Variants in CNN3 observed in about 807,000 individuals in gnomAD.
CNN3 encodes the protein calponin-3.
CNN3 carries 11 observed loss-of-function variants against 39.0 expected under a neutral mutation model. The ratio of observed to expected loss-of-function variants is 0.28; its 90% CI spans 0.18 to 0.47. The LOEUF (loss-of-function observed/expected upper bound fraction) is 0.47, where lower values mean the gene tolerates loss of function less well. Among genes scored for constraint, CNN3 ranks in the 20% least tolerant of loss-of-function variants. The pLI is 0.99. For synonymous variants in CNN3, 101 were observed against 138.3 expected, an observed-to-expected ratio of 0.73 and a Z score of 1.89; for missense variants, 266 against 403.4, an observed-to-expected ratio of 0.66 and a Z score of 2.92.
At chr1:94,920,105 C>CA (rs1294228475) in intron 1 of CNN3, among the ~76,000 whole-genome samples, 2 of 152,206 alleles carry the variant, frequency 1.3e-5, no homozygotes, top group Non-Finnish European at 2.9e-5. Flanking sequence ...AGGAATCAAC[C>CA]TGTTAGAAAA....
rs1009975804 is a variant in CNN3 at position 94,903,646 on chromosome 1, C to T, written c.58-122G>A. 41 of 1,223,208 alleles carry T rather than the reference C, an allele frequency of 3.4e-5. No individual in the cohort carries two copies. The African/African-American group carries it at 4.6e-4, about 14-fold the overall frequency. The allele number at this position is 1,223,208 out of a possible 1,614,324, so 75.8% of individuals were successfully genotyped here. On this transcript the variant is annotated intron_variant, in intron 1 of 6. Transcript: ENST00000370206. ...CAGCTGTGAAGTGTAGTAAATGACA[C>T]TCAATAGATCTCAATGGCAAACTTA...
Position 94,903,430 on chromosome 1 carries a change from C to T in CNN3, c.152G>A (p.Gly51Asp). The T allele has an allele frequency of 6.2e-6, 10 of 1,606,774 alleles. No homozygotes were observed. The highest frequency in any genetic ancestry group is 7.6e-6 in the Non-Finnish European group (9 of 1,177,112). ...GCAGAGGATGATGCCATCCTTTAAG[C>T]CCAGCTGGAAGTTGGGGCCAATGCT... Reference protein sequence around the residue: ...GMSIGPNFQLGLKDGIILCEL... With the variant: ...GMSIGPNFQLDLKDGIILCEL... Residue 51 changes from glycine to aspartate, a missense_variant, in exon 2 of 7, where the codon GGC becomes GAC. Gly to Asp is a moderately conservative substitution (Grantham distance 94). Coordinates refer to ENST00000370206, the MANE Select transcript of CNN3 (RefSeq NM_001839.5).
chr1:94,922,162 C>A (rs765554086), intron 1 of CNN3, among the ~76,000 whole-genome samples: 11 of 152,194 alleles, frequency 7.2e-5, no homozygotes, highest in Non-Finnish European at 1.5e-4. Context: ...CACCTGTAAT[C>A]CCAGTGCTTT....
At chr1:94,908,217 C>G (rs1167580302) in intron 1 of CNN3, among the ~76,000 whole-genome samples, 1 of 152,152 alleles carries the variant, frequency 6.6e-6, no homozygotes, top group East Asian at 1.9e-4. Flanking sequence ...TAATGAAGAC[C>G]AAGAAAAAAG....
At chr1:94,908,046 G>A (rs914022737) in intron 1 of CNN3, among the ~76,000 whole-genome samples, 63 of 152,038 alleles carry the variant, frequency 4.1e-4, no homozygotes, top group Middle Eastern at 3.4e-3. Flanking sequence ...TCTTAAACAC[G>A]CACACATTCT....
At chr1:94,907,471 TTTTC>T (rs1475768099) in intron 1 of CNN3, among the ~76,000 whole-genome samples, 3 of 152,184 alleles carry the variant, frequency 2.0e-5, no homozygotes, top group Admixed American at 6.5e-5. Context: ...AACGCTGACA[TTTTC>T]TTTCTCTCAA....
At position 94,926,810 on chromosome 1, in the gene CNN3, C is replaced by T. The variant is rs981269120; in HGVS notation, c.57+28G>A. ...GGCCAGCCCAAGGGTGCCCCGGGGG[C>T]CCCCGCGCCCGCCCGAGCCAGGCGT... On this transcript the variant is annotated intron_variant, in intron 1 of 6. Transcript: ENST00000370206. This position sits in a 1 kb window ranked among gnomAD's most constrained non-coding sequence, Gnocchi z 4.2. 1 of 1,603,694 alleles carries T rather than the reference C, an allele frequency of 6.2e-7. No individual in the cohort carries two copies. The highest frequency in any genetic ancestry group is 1.3e-5 in the African/African-American group (1 of 74,526).
At position 94,902,213 on chromosome 1, in the gene CNN3, T is replaced by C. The variant is rs1670887771; in HGVS notation, c.292A>G (p.Met98Val). Reference sequence around the variant, plus strand: ...GCTTCGAATATGTCATGTGGCTTCATACCATAAGCCTGAATAGCTTTAATA... The same window carrying C: ...GCTTCGAATATGTCATGTGGCTTCACACCATAAGCCTGAATAGCTTTAATA... ...NFIKAIQAYG[M>V]KPHDIFEAND... The change falls in exon 4 of 7, where the codon ATG becomes GTG. Residue 98 changes from methionine (M) to valine (V), a missense_variant. Met to Val is a conservative substitution (Grantham distance 21). Coordinates refer to ENST00000370206, the MANE Select transcript of CNN3 (RefSeq NM_001839.5). 1 of 1,612,774 alleles carries C rather than the reference T, an allele frequency of 6.2e-7. No homozygotes were observed. The highest frequency in any genetic ancestry group is 8.5e-7 in the Non-Finnish European group (1 of 1,178,746).
intron 1 of CNN3, among the ~76,000 whole-genome samples, chr1:94,913,820 G>A (rs1195074704): frequency 1.3e-5 from 2 of 152,164 alleles, no homozygotes; most frequent in Non-Finnish European, 2.9e-5. Context: ...AGAAATTCCT[G>A]AGAGATGGAC....
rs565740606 is a variant in CNN3 at position 94,927,070 on chromosome 1, G to A, written c.-176C>T. The A allele has an allele frequency of 1.2e-3, 704 of 601,656 alleles. 10 individuals are homozygous for A. The highest frequency in any genetic ancestry group is 0.011 in the African/African-American group (574 of 50,592). 37.3% of individuals were successfully genotyped at this position (601,656 alleles called of 1,614,324 possible). On this transcript the variant is annotated 5_prime_UTR_variant, in exon 1 of 7. Coordinates refer to ENST00000370206, the MANE Select transcript of CNN3 (RefSeq NM_001839.5). ...GTGCCTGGGCGACTGGGTCCAACTG[G>A]GTGCTACAGAGCCTCGAGCTCCGCT...
At position 94,922,985 on chromosome 1, in the gene CNN3, G is replaced by C. The variant is rs571648769; in HGVS notation, c.57+3853C>G. On this transcript the variant is annotated intron_variant, in intron 1 of 6. Transcript: ENST00000370206. ...TCCATGCTTCTTAATATTCCAGTTA[G>C]CTTCCTCCCAAAAAAACATACCGAG... Among the ~76,000 whole-genome samples the C allele has an allele frequency of 1.1e-4, 16 of 152,234 alleles. 1 individual carries two copies. In the South Asian group the frequency reaches 3.3e-3, roughly 32 times the overall value.
intron 1 of CNN3, among the ~76,000 whole-genome samples, chr1:94,921,149 T>G (rs937767317): frequency 2.0e-5 from 3 of 152,326 alleles, no homozygotes; most frequent in Non-Finnish European, 2.9e-5. Flanking sequence ...ATCCCAGCTC[T>G]TTGGGAGGCC....
rs1258602210 is a variant in CNN3 at position 94,897,742 on chromosome 1, C to T, written c.990G>A (p.Ter330=). The T allele has an allele frequency of 6.2e-7, 1 of 1,612,330 alleles. No individual in the cohort carries two copies. The highest frequency in any genetic ancestry group is 1.1e-5 in the South Asian group (1 of 90,946). ...AATACTGAGCTCCTTCTGTGTGGATCTAATAATCAATGCCTTGGTCGCTAT... is the reference window on the plus strand; with the variant it reads ...AATACTGAGCTCCTTCTGTGTGGATTTAATAATCAATGCCTTGGTCGCTAT... ...YQYSDQGIDY[*] is the part of the protein sequence containing the mutation. Residue 330 remains the stop codon, a stop_retained_variant, in exon 7 of 7, where the codon TAG becomes TAA. Coordinates refer to ENST00000370206, the MANE Select transcript of CNN3 (RefSeq NM_001839.5).
chr1:94,913,521 T>G (rs1671215426), intron 1 of CNN3, among the ~76,000 whole-genome samples: 1 of 152,342 alleles, frequency 6.6e-6, no homozygotes, highest in South Asian at 2.1e-4. Flanking sequence ...TCTGGTAGGT[T>G]AAACCACATC....
Position 94,897,735 on chromosome 1 carries a change from T to G in CNN3, c.*7A>C. On this transcript the variant is annotated 3_prime_UTR_variant, in exon 7 of 7. Coordinates refer to ENST00000370206, the MANE Select transcript of CNN3 (RefSeq NM_001839.5). ...AGGACTAAATACTGAGCTCCTTCTGTGTGGATCTAATAATCAATGCCTTGG... is the reference window on the plus strand; with the variant it reads ...AGGACTAAATACTGAGCTCCTTCTGGGTGGATCTAATAATCAATGCCTTGG... The G allele has an allele frequency of 6.2e-7, 1 of 1,611,222 alleles. No homozygotes were observed. Among genetic ancestry groups the G allele is most frequent in the African/African-American group, 1.3e-5 (1 of 75,030 alleles).
chr1:94,922,001 T>C (rs1355072129), intron 1 of CNN3, among the ~76,000 whole-genome samples: 2 of 152,208 alleles, frequency 1.3e-5, no homozygotes, highest in Non-Finnish European at 2.9e-5. Context: ...AGGACACCTC[T>C]ACCATTCCTA....
In CNN3 at chr1:94,915,353, A is replaced by T. The variant is rs572535589; in HGVS notation, c.57+11485T>A. Among the ~76,000 whole-genome samples the T allele has an allele frequency of 2.6e-3, 401 of 152,294 alleles. 2 individuals are homozygous for T. Among genetic ancestry groups the T allele is most frequent in the Non-Finnish European group, 2.3e-3 (156 of 68,028 alleles). On this transcript the variant is annotated intron_variant, in intron 1 of 6. Transcript: ENST00000370206. ...TTCTTAAACACCAAGACAAAGAGGG[A>T]CATAATCAACTACAAGATTCAGAGT...
chr1:94,897,797 T>A lies in CNN3; in HGVS notation c.935A>T (p.Tyr312Phe), dbSNP rs1557906060. ...GTAATCTCTGGGGTAGTCATCCTGG[T>A]ACTCGCCATGATACTCATCAGGGTA... The part of the protein sequence containing the change: ...AEYPDEYHGE[Y>F]QDDYPRDYQY... The change falls in exon 7 of 7, where the codon TAC becomes TTC. Residue 312 changes from tyrosine to phenylalanine, a missense_variant. By Grantham distance (22) the Tyr-to-Phe change is conservative. Transcript: ENST00000370206. 6.2e-7 allele frequency: 1 copy of A among 1,614,186 alleles called. No individual in the cohort carries two copies. The highest frequency in any genetic ancestry group is 1.6e-4 in the Middle Eastern group (1 of 6,062).
intron 6 of CNN3, 91 bp downstream of exon 6, chr1:94,899,275 CTAAAT>C: frequency 7.5e-7 from 1 of 1,331,390 alleles, no homozygotes; most frequent in African/African-American, 1.5e-5. Flanking sequence ...GGAATATACT[CTAAAT>C]AAACTATACA....
Sources: allele counts gnomAD v4.1 joint callset (sites outside exome capture counted in the v4.1 genomes callset), GRCh38; gene constraint gnomAD v4.1.1; non-coding constraint Gnocchi (gnomAD v3.1); transcripts MANE v1.5; gene names NCBI Gene and HGNC (gene_info 2026-07-23, HGNC 2026-07-21).